Variants in CCBE1 observed in about 807,000 individuals in gnomAD.
CCBE1 encodes the protein collagen and calcium binding EGF domains 1.
CCBE1 carries 37 observed loss-of-function variants against 50.0 expected under a neutral mutation model. The observed-to-expected ratio is 0.74, with a 90% confidence interval of 0.57 to 0.97. CCBE1 has a LOEUF of 0.97. Among genes scored for constraint, CCBE1 ranks in the 50% least tolerant of loss-of-function variants. CCBE1 has a pLI of 0.00. For synonymous variants in CCBE1, 234 were observed against 203.7 expected (o/e 1.15, Z -1.27); for missense variants, 538 against 523.8 (o/e 1.03, Z -0.26).
intron 2 of CCBE1, among the ~76,000 whole-genome samples, chr18:59,622,564 A>C (rs1193279848): frequency 6.6e-6 from 1 of 151,200 alleles, no homozygotes; most frequent in Non-Finnish European, 1.5e-5. Flanking sequence ...GCACTTTGGG[A>C]GGCTGAGGCA....
At chr18:59,494,297 T>G (rs1205690519) in intron 2 of CCBE1, among the ~76,000 whole-genome samples, 2 of 152,204 alleles carry the variant, frequency 1.3e-5, no homozygotes, top group African/African-American at 4.8e-5. Context: ...CCAAATCCAC[T>G]TTCTCTGTTG....
chr18:59,606,842 A>C (rs1336459547), intron 2 of CCBE1, among the ~76,000 whole-genome samples: 1 of 152,156 alleles, frequency 6.6e-6, no homozygotes, highest in Admixed American at 6.5e-5. Context: ...GTTCAAAGAA[A>C]CCTTTTCTGA....
chr18:59,575,779 T>C (rs567638168), intron 2 of CCBE1, among the ~76,000 whole-genome samples: 6 of 152,318 alleles, frequency 3.9e-5, no homozygotes, highest in South Asian at 4.1e-4. Context: ...ATAATCCACA[T>C]TGGCAGCTAC....
chr18:59,677,388 G>A (rs1242041516), intron 2 of CCBE1, among the ~76,000 whole-genome samples: 1 of 152,226 alleles, frequency 6.6e-6, no homozygotes, highest in East Asian at 1.9e-4. Context: ...CTGGTCGGGG[G>A]TAGAAATCAC....
chr18:59,526,287 G>T (rs1239774592), intron 2 of CCBE1, among the ~76,000 whole-genome samples: 1 of 149,124 alleles, frequency 6.7e-6, no homozygotes, highest in African/African-American at 2.5e-5. Flanking sequence ...TTTTAGTTGT[G>T]ATGTTAGGAT....
chr18:59,535,344 C>G (rs1198132992), intron 2 of CCBE1, among the ~76,000 whole-genome samples: 2 of 152,162 alleles, frequency 1.3e-5, no homozygotes, highest in Non-Finnish European at 2.9e-5. Flanking sequence ...AAATTAAAAA[C>G]ACAGTGAATT....
intron 6 of CCBE1, among the ~76,000 whole-genome samples, chr18:59,450,060 C>A (rs2143656619): frequency 6.6e-6 from 1 of 152,228 alleles, no homozygotes; most frequent in East Asian, 1.9e-4. Context: ...AGACGATGGG[C>A]TGTGGGATGC....
intron 2 of CCBE1, among the ~76,000 whole-genome samples, chr18:59,669,909 A>G (rs548914641): frequency 6.6e-6 from 1 of 152,364 alleles, no homozygotes; most frequent in East Asian, 1.9e-4. Flanking sequence ...TGTGTAGCAC[A>G]GAATAGGCAC....
At chr18:59,502,624 C>T (rs1327466028) in intron 2 of CCBE1, among the ~76,000 whole-genome samples, 1 of 152,204 alleles carries the variant, frequency 6.6e-6, no homozygotes, top group Non-Finnish European at 1.5e-5. Flanking sequence ...TTGAGCCCAA[C>T]TCTGAGCCCT....
chr18:59,565,035 T>C (rs2052799702), intron 2 of CCBE1, among the ~76,000 whole-genome samples: 1 of 152,196 alleles, frequency 6.6e-6, no homozygotes, highest in Non-Finnish European at 1.5e-5. Flanking sequence ...TTGCTCATGA[T>C]GGGCTTGGCT....
intron 5 of CCBE1, among the ~76,000 whole-genome samples, chr18:59,461,764 G>A (rs1177635857): frequency 1.8e-5 from 2 of 111,010 alleles, no homozygotes; most frequent in South Asian, 5.6e-4. Context: ...ACAGAGTTTC[G>A]CCCTTGTTGC....
At chr18:59,507,065 A>T (rs1293815661) in intron 2 of CCBE1, among the ~76,000 whole-genome samples, 1 of 151,812 alleles carries the variant, frequency 6.6e-6, no homozygotes, top group African/African-American at 2.4e-5. Context: ...CTAACCTCTT[A>T]CTCCAGCCCA....
Position 59,448,175 on chromosome 18 carries a change from A to C in CCBE1, c.655-72T>G. ...GAGCCTCGGCATTTGTCTTGGTGGG[A>C]GAAGCTGCAAAGCCTTTTCATGAGA... is the stretch of plus-strand genomic sequence containing the variant. On this transcript the variant is annotated intron_variant, in intron 6 of 10. Coordinates refer to ENST00000439986, the MANE Select transcript of CCBE1 (RefSeq NM_133459.4). The C allele has an allele frequency of 3.1e-6, 5 of 1,601,792 alleles. No individual in the cohort carries two copies. The South Asian group carries it at 4.4e-5, about 14-fold the overall frequency.
intron 2 of CCBE1, among the ~76,000 whole-genome samples, chr18:59,527,707 A>G (rs1403608110): frequency 6.6e-6 from 1 of 152,170 alleles, no homozygotes; most frequent in Non-Finnish European, 1.5e-5. Flanking sequence ...GGATTTGCTT[A>G]TCTAAAAAAT....
chr18:59,598,434 G>T (rs1248096859), intron 2 of CCBE1, among the ~76,000 whole-genome samples: 2 of 152,172 alleles, frequency 1.3e-5, no homozygotes, highest in Non-Finnish European at 2.9e-5. Context: ...CTGAATTCAG[G>T]TTTCACTTGA....
chr18:59,454,963 G>A lies in CCBE1; in HGVS notation c.554-12C>T. On this transcript the variant is annotated splice_polypyrimidine_tract_variant and intron_variant, in intron 5 of 10. Transcript: ENST00000439986. ...AGACTTCTCATGGCCTGAGAAAGGAGATAGGCTCAGTCCTGTCTGGGAGGC... is the reference window on the plus strand; with the variant it reads ...AGACTTCTCATGGCCTGAGAAAGGAAATAGGCTCAGTCCTGTCTGGGAGGC... 3.1e-6 allele frequency: 5 copies of A among 1,607,978 alleles called. No individual in the cohort carries two copies. The highest frequency in any genetic ancestry group is 4.3e-6 in the Non-Finnish European group (5 of 1,174,834).
chr18:59,531,172 C>T lies in CCBE1; in HGVS notation c.213-50934G>A, dbSNP rs117900923. Among the ~76,000 whole-genome samples, 747 of 152,166 alleles carry T rather than the reference C, an allele frequency of 4.9e-3. 2 individuals carry two copies. The highest frequency in any genetic ancestry group is 8.1e-3 in the Non-Finnish European group (554 of 68,010). ...AGTGAGCTGAATGATCTGATATTCCCCAAATCAGCTTGTTGGCCATGCGAT... is the reference window on the plus strand; with the variant it reads ...AGTGAGCTGAATGATCTGATATTCCTCAAATCAGCTTGTTGGCCATGCGAT... On this transcript the variant is annotated intron_variant, in intron 2 of 10. Coordinates refer to ENST00000439986, the MANE Select transcript of CCBE1 (RefSeq NM_133459.4).
intron 2 of CCBE1, among the ~76,000 whole-genome samples, chr18:59,686,749 A>G (rs1045837406): frequency 1.6e-4 from 24 of 152,274 alleles, no homozygotes; most frequent in Middle Eastern, 3.4e-3. Flanking sequence ...GTTGTTGCCA[A>G]TCATATACAG....
chr18:59,447,428 CAA>C (rs891828082), intron 7 of CCBE1, among the ~76,000 whole-genome samples: 14 of 152,192 alleles, frequency 9.2e-5, no homozygotes, highest in African/African-American at 3.4e-4. Context: ...ATACATCTGT[CAA>C]AATTTGAATG....
Sources: gnomAD v4.1 joint callset for allele counts (sites outside exome capture counted in the v4.1 genomes callset) on GRCh38, gnomAD v4.1.1 for gene constraint, MANE v1.5 for transcripts, NCBI Gene and HGNC (gene_info 2026-07-23, HGNC 2026-07-21) for gene names.